The following ANKRD6 variants were observed in gnomAD, a reference collection of about 807,000 sequenced individuals.
ANKRD6 encodes the protein ankyrin repeat domain 6, also known as ankyrin repeat domain-containing protein 6.
ANKRD6 carries 56 observed loss-of-function variants against 82.3 expected under a neutral mutation model. The ratio of observed to expected loss-of-function variants is 0.68; its 90% confidence interval spans 0.55 to 0.85. The LOEUF (loss-of-function observed/expected upper bound fraction) is 0.85. Among genes scored for constraint, ANKRD6 ranks in the 40% least tolerant of loss-of-function variants. The probability of loss-of-function intolerance (pLI) is 0.00; values close to 1 mark genes in which losing one functional copy is unlikely to be tolerated. For missense variants in ANKRD6, 852 were observed against 907.6 expected, an observed-to-expected ratio of 0.94 and a Z score of 0.79; for synonymous variants, 347 against 352.1, an observed-to-expected ratio of 0.99 and a Z score of 0.16.
intron 1 of ANKRD6, among the ~76,000 whole-genome samples, chr6:89,436,550 G>A (rs1009093209): frequency 1.3e-5 from 2 of 152,182 alleles, no homozygotes; most frequent in Admixed American, 6.5e-5. Context: ...TATGCTAGGT[G>A]AAATAAGTTA....
In ANKRD6 at chr6:89,433,853, C is replaced by A. The variant is rs1770279083; in HGVS notation, c.-144+478C>A. 6.6e-6 allele frequency among the ~76,000 whole-genome samples: 1 copy of A among 152,356 alleles called. No homozygotes were observed. Among genetic ancestry groups the A allele is most frequent in the African/African-American group, 2.4e-5 (1 of 41,588 alleles). On this transcript the variant is annotated intron_variant, in intron 1 of 15. Transcript: ENST00000339746. This position sits in a 1 kb window ranked among gnomAD's most constrained non-coding sequence, Gnocchi z 4.3. ...GCAGTCGCAGGAGAGGGGCCGATAC[C>A]CCTCAGGAGCCCCATCGGCGAAGCC... is the stretch of plus-strand genomic sequence containing the variant.
chr6:89,477,309 C>G (rs1776165815), intron 1 of ANKRD6, among the ~76,000 whole-genome samples: 1 of 151,640 alleles, frequency 6.6e-6, no homozygotes, highest in Non-Finnish European at 1.5e-5. Flanking sequence ...GAGAAATAAT[C>G]CCAGTCATCT....
At chr6:89,438,998 A>G (rs978861846) in intron 1 of ANKRD6, among the ~76,000 whole-genome samples, 33 of 152,126 alleles carry the variant, frequency 2.2e-4, no homozygotes, top group Admixed American at 5.9e-4. Flanking sequence ...ATGTGTTTGT[A>G]TATATGTATA....
chr6:89,606,855 G>C (rs1344054623), intron 5 of ANKRD6, among the ~76,000 whole-genome samples: 2 of 151,588 alleles, frequency 1.3e-5, no homozygotes, highest in African/African-American at 4.8e-5. Flanking sequence ...AGACTGTCGT[G>C]GGGGCAGGTG....
intron 1 of ANKRD6, among the ~76,000 whole-genome samples, chr6:89,502,278 C>T (rs531005845): frequency 3.3e-5 from 5 of 152,056 alleles, no homozygotes; most frequent in Admixed American, 6.6e-5. Context: ...CCATACTTAA[C>T]GTAACTATAA....
chr6:89,488,447 C>G (rs1777621971), intron 1 of ANKRD6, among the ~76,000 whole-genome samples: 1 of 152,110 alleles, frequency 6.6e-6, no homozygotes, highest in Admixed American at 6.6e-5. Context: ...GAGACCCTGT[C>G]TCTAATAAAT....
chr6:89,563,970 G>T (rs1257043096), intron 1 of ANKRD6, among the ~76,000 whole-genome samples: 1 of 152,172 alleles, frequency 6.6e-6, no homozygotes, highest in Non-Finnish European at 1.5e-5. Flanking sequence ...GAAGCAGAAA[G>T]GAAGCAGAAA....
chr6:89,540,737 C>A (rs1323951135), intron 1 of ANKRD6, among the ~76,000 whole-genome samples: 3 of 152,082 alleles, frequency 2.0e-5, no homozygotes, highest in Admixed American at 6.6e-5. Context: ...CCAGTGTTTC[C>A]TTGTAGTTGT....
intron 1 of ANKRD6, among the ~76,000 whole-genome samples, chr6:89,480,853 G>A (rs1470720305): frequency 1.4e-5 from 2 of 144,938 alleles, no homozygotes; most frequent in Admixed American, 7.1e-5. Flanking sequence ...GAGGTGGGAC[G>A]ATCACTTGAG....
chr6:89,507,215 CATA>C (rs1314201790), intron 1 of ANKRD6, among the ~76,000 whole-genome samples: 12 of 152,194 alleles, frequency 7.9e-5, no homozygotes, highest in African/African-American at 2.9e-4. Flanking sequence ...CTGTTAAACA[CATA>C]ATTTTTTTTA....
intron 1 of ANKRD6, among the ~76,000 whole-genome samples, chr6:89,458,456 A>G (rs1247421667): frequency 6.6e-6 from 1 of 152,208 alleles, no homozygotes; most frequent in Non-Finnish European, 1.5e-5. Context: ...CAAAACCTCA[A>G]AAGTAGGGAA....
intron 2 of ANKRD6, among the ~76,000 whole-genome samples, chr6:89,573,955 G>A (rs1403813863): frequency 1.3e-5 from 2 of 152,180 alleles, no homozygotes; most frequent in Non-Finnish European, 2.9e-5. Context: ...CCCAATTGAT[G>A]TAACCTTGTT....
intron 1 of ANKRD6, among the ~76,000 whole-genome samples, chr6:89,490,963 TAAC>T (rs1362860301): frequency 1.3e-5 from 2 of 152,166 alleles, no homozygotes; most frequent in African/African-American, 4.8e-5. Context: ...GCCCTAAATC[TAAC>T]AACAAGTGTT....
At chr6:89,524,707 T>C (rs1403773350) in intron 1 of ANKRD6, among the ~76,000 whole-genome samples, 1 of 152,208 alleles carries the variant, frequency 6.6e-6, no homozygotes, top group Non-Finnish European at 1.5e-5. Flanking sequence ...CAAGTGTCTT[T>C]TTCATATAAT....
At position 89,435,767 on chromosome 6, in the gene ANKRD6, A is replaced by C. The variant is rs553193260; in HGVS notation, c.-144+2392A>C. On this transcript the variant is annotated intron_variant, in intron 1 of 15. Transcript: ENST00000339746. ...GTAATTTGGGTGCGTGCGTTTTAGA[A>C]GTTTTTTTAAAAATGCAAATTATCC... is the stretch of plus-strand genomic sequence containing the variant. 1.6e-4 allele frequency among the ~76,000 whole-genome samples: 24 copies of C among 152,340 alleles called. No individual in the cohort carries two copies. The South Asian group carries it at 4.6e-3, about 29-fold the overall frequency.
chr6:89,629,396 C>A, intron 15 of ANKRD6, 158 bp downstream of exon 15: 1 of 995,230 alleles, frequency 1.0e-6, no homozygotes, highest in Non-Finnish European at 1.5e-6. Flanking sequence ...TGCTCGTAAC[C>A]ATATACTCAG....
chr6:89,627,135 C>A (rs1292149094), intron 13 of ANKRD6, among the ~76,000 whole-genome samples: 1 of 149,844 alleles, frequency 6.7e-6, no homozygotes, highest in Non-Finnish European at 1.5e-5. Flanking sequence ...TGGCTCACTG[C>A]AACCTCTGCC....
At chr6:89,577,772 G>C (rs2128106380) in intron 2 of ANKRD6, among the ~76,000 whole-genome samples, 1 of 152,286 alleles carries the variant, frequency 6.6e-6, no homozygotes, top group Non-Finnish European at 1.5e-5. Context: ...AGCCATGATT[G>C]TGCCACTGCA....
intron 2 of ANKRD6, among the ~76,000 whole-genome samples, chr6:89,568,932 A>ATT (rs58909289): frequency 2.1e-5 from 3 of 141,984 alleles, no homozygotes; most frequent in African/African-American, 7.7e-5. Flanking sequence ...TATATATATA[A>ATT]TTTTTTTTTT....
Sources: gnomAD v4.1 joint callset for allele counts (sites outside exome capture counted in the v4.1 genomes callset) on GRCh38, gnomAD v4.1.1 for gene constraint, Gnocchi (gnomAD v3.1) non-coding constraint, MANE v1.5 for transcripts, NCBI Gene and HGNC (gene_info 2026-07-23, HGNC 2026-07-21) for gene names.